Variants in HNRNPUL1 observed in about 807,000 individuals in gnomAD.
The protein encoded by HNRNPUL1 is heterogeneous nuclear ribonucleoprotein U-like protein 1.
In HNRNPUL1, 14 loss-of-function variants were observed where a neutral mutation model predicts 108.5. That is an observed-to-expected ratio of 0.13 (90% CI 0.09 to 0.20). HNRNPUL1 has a LOEUF of 0.20. Ranked by LOEUF, HNRNPUL1 falls within the 10% of genes least tolerant of loss-of-function variation. The probability of loss-of-function intolerance (pLI) is 1.00; values close to 1 mark genes in which losing one functional copy is unlikely to be tolerated. For missense variants in HNRNPUL1, 804 were observed against 1,168.3 expected (o/e 0.69, Z 4.55); for synonymous variants, 422 against 445.2 (o/e 0.95, Z 0.66).
In HNRNPUL1 at chr19:41,307,519, C is replaced by A. The variant is rs1339718010; in HGVS notation, c.*954C>A. Reference sequence around the variant, plus strand: ...GTCTCCCAGGTGCCAGACCCAAAAGCTTTTCCTACAGTGATACCCTTTATT... The same window carrying A: ...GTCTCCCAGGTGCCAGACCCAAAAGATTTTCCTACAGTGATACCCTTTATT... On this transcript the variant is annotated 3_prime_UTR_variant, in exon 15 of 15. Coordinates refer to ENST00000392006, the MANE Select transcript of HNRNPUL1 (RefSeq NM_007040.6). The A allele has an allele frequency of 6.6e-6, 1 of 152,622 alleles. No homozygotes were observed. Among genetic ancestry groups the A allele is most frequent in the South Asian group, 2.1e-4 (1 of 4,828 alleles). The allele number at this position is 152,622 out of a possible 1,614,324, so 9.5% of individuals were successfully genotyped here.
chr19:41,266,056 T>C (rs2034822317), intron 1 of HNRNPUL1, among the ~76,000 whole-genome samples: 1 of 152,082 alleles, frequency 6.6e-6, no homozygotes, highest in African/African-American at 2.4e-5. Context: ...GAGCTGTGAC[T>C]CTGGGAATGG....
chr19:41,282,116 C>T (rs1568440645), intron 7 of HNRNPUL1, among the ~76,000 whole-genome samples: 1 of 152,198 alleles, frequency 6.6e-6, no homozygotes, highest in Non-Finnish European at 1.5e-5. Context: ...TGGATTCATC[C>T]TCTGAAGCTT....
intron 5 of HNRNPUL1, chr19:41,276,807 A>T (rs2035583850): frequency 1.3e-5 from 2 of 152,548 alleles, no homozygotes; most frequent in Non-Finnish European, 2.9e-5. Flanking sequence ...AGGATAAAAC[A>T]GGTTATTCTC....
chr19:41,286,646 C>T (rs1263692931), intron 7 of HNRNPUL1: 1 of 151,830 alleles, frequency 6.6e-6, no homozygotes, highest in Non-Finnish European at 1.5e-5. Context: ...TCAAGCCATC[C>T]ACCCCAACCT....
At chr19:41,290,454 G>A (rs2122783330) in intron 7 of HNRNPUL1, among the ~76,000 whole-genome samples, 1 of 152,254 alleles carries the variant, frequency 6.6e-6, no homozygotes, top group South Asian at 2.1e-4. Flanking sequence ...TCTGCCACCA[G>A]CATCAAGTTC....
In HNRNPUL1 at chr19:41,268,311, A is replaced by G. The variant is rs1158350890; in HGVS notation, c.384A>G (p.Pro128=). Reference sequence around the variant, plus strand: ...ACGAGTCAGGCTACGAGAGGAGACCACTGGAAATGGAGCAGCAGCAGGCCT... The same window carrying G: ...ACGAGTCAGGCTACGAGAGGAGACCGCTGGAAATGGAGCAGCAGCAGGCCT... The part of the protein sequence containing the change: ...QENESGYERR[P]LEMEQQQAYR... Residue 128 remains proline, a synonymous_variant, in exon 2 of 15, where the codon CCA becomes CCG. Coordinates refer to ENST00000392006, the MANE Select transcript of HNRNPUL1 (RefSeq NM_007040.6). 2 of 1,614,052 alleles carry G rather than the reference A, an allele frequency of 1.2e-6. No individual in the cohort carries two copies. Among genetic ancestry groups the G allele is most frequent in the Non-Finnish European group, 1.7e-6 (2 of 1,179,970 alleles).
At chr19:41,266,564 A>C (rs142618994) in intron 1 of HNRNPUL1, among the ~76,000 whole-genome samples, 1 of 152,254 alleles carries the variant, frequency 6.6e-6, no homozygotes, top group East Asian at 1.9e-4. Flanking sequence ...TGCTGGGATT[A>C]CAGGCGTGAA....
Position 41,273,894 on chromosome 19 carries a change from C to T in HNRNPUL1, c.573-88C>T, listed in dbSNP as rs551199913. On this transcript the variant is annotated intron_variant, in intron 3 of 14. Coordinates refer to ENST00000392006, the MANE Select transcript of HNRNPUL1 (RefSeq NM_007040.6). The stretch of plus-strand genomic sequence containing the variant: ...GAGATTCAGGAAGCAGTCTGGAGGC[C>T]ACTCATAGATTACAGCAGAACATTC... The T allele has an allele frequency of 1.8e-5, 19 of 1,055,254 alleles. No homozygotes were observed. In the East Asian group the frequency reaches 4.5e-4, roughly 25 times the overall value. The allele number at this position is 1,055,254 out of a possible 1,614,324, so 65.4% of individuals were successfully genotyped here.
chr19:41,302,214 G>GTTTTTTTTTTTTTTTT (rs58368849), intron 11 of HNRNPUL1, among the ~76,000 whole-genome samples: 1 of 92,430 alleles, frequency 1.1e-5, no homozygotes. Flanking sequence ...CTCTCTCTCT[G>GTTTTTTTTTTTTTTTT]TTTTTTTTTT....
upstream of HNRNPUL1, among the ~76,000 whole-genome samples, chr19:41,264,114 G>A (rs890646751): frequency 6.6e-6 from 1 of 152,206 alleles, no homozygotes; most frequent in Admixed American, 6.5e-5. Context: ...CCTTACGGCA[G>A]CCGGCGCGCG....
chr19:41,265,188 G>T, intron 1 of HNRNPUL1: 2 of 1,477,750 alleles, frequency 1.4e-6, no homozygotes, highest in Admixed American at 4.7e-5. Flanking sequence ...CCGTGGGCTT[G>T]GCGGTCGTGC....
At chr19:41,296,919 A>G (rs1293296230) in intron 10 of HNRNPUL1, among the ~76,000 whole-genome samples, 6 of 152,190 alleles carry the variant, frequency 3.9e-5, no homozygotes, top group African/African-American at 1.4e-4. Context: ...GGCCTTAGAA[A>G]TGCTCATCCT....
upstream of HNRNPUL1, chr19:41,264,198 G>A: frequency 3.3e-6 from 1 of 299,344 alleles, no homozygotes. Context: ...CTTCGACGTA[G>A]GCCAACGCTT....
In HNRNPUL1 at chr19:41,276,295, G is replaced by A. The variant is rs767128887; in HGVS notation, c.783G>A (p.Met261Ile). The change falls in exon 5 of 15, where the codon ATG (methionine) becomes ATA (isoleucine). Residue 261 changes from methionine to isoleucine, a missense_variant. Transcript: ENST00000392006. ...GVRRGRVCFE[M>I]KINEEISVKH... ...GAAGGGGCCGTGTATGCTTCGAGATGAAGGTGAGTAGGAGCAAGAGAAGGG... is the reference window on the plus strand; with the variant it reads ...GAAGGGGCCGTGTATGCTTCGAGATAAAGGTGAGTAGGAGCAAGAGAAGGG... 6.2e-7 allele frequency: 1 copy of A among 1,603,420 alleles called. No individual in the cohort carries two copies. The highest frequency in any genetic ancestry group is 1.1e-5 in the South Asian group (1 of 90,538).
rs1294337839 is a variant in HNRNPUL1, at chr19:41,276,224, G to A, written c.712G>A (p.Gly238Ser). 1.2e-6 allele frequency: 2 copies of A among 1,613,818 alleles called. No homozygotes were observed. The highest frequency in any genetic ancestry group is 1.7e-6 in the Non-Finnish European group (2 of 1,180,002). The change falls in exon 5 of 15, where the codon GGC becomes AGC. Residue 238 changes from glycine to serine, a missense_variant. Transcript: ENST00000392006. ...RSSGYPLTIE[G>S]FAYLWSGARA... ...TAGTGGCTATCCGCTCACAATTGAG[G>A]GCTTTGCATACCTGTGGTCAGGAGC... is the stretch of plus-strand genomic sequence containing the variant.
rs201044523 is a variant in HNRNPUL1, at chr19:41,306,531, C to G, written c.2537C>G (p.Ser846Cys). Reference protein sequence around the residue: ...YYGNYDYGSYSGNTQGGTSTQ With the variant: ...YYGNYDYGSYCGNTQGGTSTQ ...GGGAACTACGACTACGGGAGCTACT[C>G]CGGGAACACACAGGGTGGCACAAGT... Residue 846 changes from serine to cysteine, a missense_variant, in exon 15 of 15, where the codon TCC becomes TGC. Physicochemically the swap from Ser to Cys is moderately radical, Grantham distance 112. Coordinates refer to ENST00000392006, the MANE Select transcript of HNRNPUL1 (RefSeq NM_007040.6). 9.3e-6 allele frequency: 15 copies of G among 1,605,594 alleles called. No homozygotes were observed. The highest frequency in any genetic ancestry group is 1.3e-5 in the Non-Finnish European group (15 of 1,176,374).
chr19:41,270,492 A>G (rs1300861649), intron 2 of HNRNPUL1, among the ~76,000 whole-genome samples: 1 of 152,082 alleles, frequency 6.6e-6, no homozygotes, highest in Non-Finnish European at 1.5e-5. Flanking sequence ...AAAAATAGAC[A>G]AAAAACCTTG....
chr19:41,279,037 C>A, intron 5 of HNRNPUL1, 40 bp from the exon 6 acceptor site: 1 of 1,484,456 alleles, frequency 6.7e-7, no homozygotes, highest in Non-Finnish European at 9.4e-7. Flanking sequence ...CTACGGCCTC[C>A]AGAGAAGCAA....
rs949760050 is a variant in HNRNPUL1, at chr19:41,294,106, C to T, written c.1267-232C>T. Among the ~76,000 whole-genome samples the T allele has an allele frequency of 2.0e-5, 3 of 152,168 alleles. No individual in the cohort carries two copies. The highest frequency in any genetic ancestry group is 7.2e-5 in the African/African-American group (3 of 41,428). ...GGGATTATAGGCGTGAGCTACCGTG[C>T]CTGGCCAGCACTTGACTTAATGCTC... On this transcript the variant is annotated intron_variant, in intron 8 of 14. Coordinates refer to ENST00000392006, the MANE Select transcript of HNRNPUL1 (RefSeq NM_007040.6). The surrounding 1 kb of genome is among the most constrained non-coding windows in gnomAD (Gnocchi z 4.3).
Sources: allele counts gnomAD v4.1 joint callset (sites outside exome capture counted in the v4.1 genomes callset), GRCh38; gene constraint gnomAD v4.1.1; non-coding constraint Gnocchi (gnomAD v3.1); transcripts MANE v1.5; gene names NCBI Gene and HGNC (gene_info 2026-07-23, HGNC 2026-07-21).